Variants in DOCK4 observed in about 807,000 individuals in gnomAD.
DOCK4 encodes dedicator of cytokinesis 4, also known as dedicator of cytokinesis protein 4.
DOCK4 carries 97 observed loss-of-function variants against 268.1 expected under a neutral mutation model. That is an observed-to-expected ratio of 0.36 (90% CI 0.31 to 0.43). The LOEUF (loss-of-function observed/expected upper bound fraction) is 0.43, where lower values mean the gene tolerates loss of function less well. Ranked by LOEUF, DOCK4 falls within the 20% of genes least tolerant of loss-of-function variation. DOCK4 has a pLI of 1.00. For synonymous variants in DOCK4, 954 were observed against 887.2 expected (o/e 1.08, Z -1.34); for missense variants, 2,145 against 2,455.7 (o/e 0.87, Z 2.67).
intron 27 of DOCK4, among the ~76,000 whole-genome samples, chr7:111,817,453 T>G (rs1329922977): frequency 6.6e-6 from 1 of 152,182 alleles, no homozygotes; most frequent in Non-Finnish European, 1.5e-5. Context: ...CCTACCTTTC[T>G]TTGTGTGCAC....
At chr7:111,902,043 T>C (rs1051428638) in intron 13 of DOCK4, among the ~76,000 whole-genome samples, 7 of 152,332 alleles carry the variant, frequency 4.6e-5, no homozygotes, top group African/African-American at 1.7e-4. Context: ...AGGTGAATAC[T>C]GGGACCAAGT....
intron 12 of DOCK4, among the ~76,000 whole-genome samples, chr7:111,918,206 C>T (rs1039314172): frequency 2.6e-5 from 4 of 152,178 alleles, no homozygotes; most frequent in Admixed American, 6.5e-5. Context: ...AGGGACATGA[C>T]GACATGATCG....
chr7:111,803,594 G>A (rs1800455866), intron 30 of DOCK4, among the ~76,000 whole-genome samples: 1 of 152,102 alleles, frequency 6.6e-6, no homozygotes, highest in Admixed American at 6.5e-5. Flanking sequence ...TAGTAAGAAT[G>A]TTAGTTCATC....
At chr7:112,023,793 A>G (rs1286164715) in intron 1 of DOCK4, 1 of 247,100 alleles carries the variant, frequency 4.0e-6, no homozygotes, top group Non-Finnish European at 8.4e-6. Flanking sequence ...TTATCAATTA[A>G]TTGTATGTCT....
chr7:112,096,751 A>G (rs1434146055), intron 1 of DOCK4, among the ~76,000 whole-genome samples: 2 of 152,184 alleles, frequency 1.3e-5, no homozygotes, highest in Non-Finnish European at 2.9e-5. Flanking sequence ...AGACCCAAAG[A>G]CCAAAATGTA....
chr7:112,050,598 C>A (rs896985241), intron 1 of DOCK4, among the ~76,000 whole-genome samples: 1 of 151,946 alleles, frequency 6.6e-6, no homozygotes. Flanking sequence ...CCCAATAATA[C>A]GTTTTTAGAC....
intron 38 of DOCK4, among the ~76,000 whole-genome samples, chr7:111,765,433 A>T (rs1797706653): frequency 6.6e-6 from 1 of 152,230 alleles, no homozygotes; most frequent in Non-Finnish European, 1.5e-5. Context: ...TTTGCAGGCC[A>T]TATCGTCTCT....
intron 1 of DOCK4, among the ~76,000 whole-genome samples, chr7:112,131,515 A>T (rs1813795463): frequency 6.6e-6 from 1 of 152,100 alleles, no homozygotes; most frequent in South Asian, 2.1e-4. Flanking sequence ...TTCTCCTCAT[A>T]TCCCCAGCCC....
At chr7:112,002,332 T>A (rs1279640390) in intron 2 of DOCK4, among the ~76,000 whole-genome samples, 1 of 152,204 alleles carries the variant, frequency 6.6e-6, no homozygotes, top group African/African-American at 2.4e-5. Flanking sequence ...TGCAAAAATG[T>A]CATAGAGAGG....
intron 1 of DOCK4, among the ~76,000 whole-genome samples, chr7:112,112,357 G>C (rs943482150): frequency 6.6e-6 from 1 of 152,120 alleles, no homozygotes; most frequent in South Asian, 2.1e-4. Context: ...GAAGACGCTG[G>C]AGCTGGCTGG....
intron 32 of DOCK4, among the ~76,000 whole-genome samples, chr7:111,787,153 T>C (rs1799229071): frequency 6.6e-6 from 1 of 152,188 alleles, no homozygotes; most frequent in Admixed American, 6.6e-5. Flanking sequence ...TTAAAGTAGA[T>C]AAGAGGCACT....
At chr7:111,814,383 G>A (rs1251147090) in intron 27 of DOCK4, among the ~76,000 whole-genome samples, 2 of 152,076 alleles carry the variant, frequency 1.3e-5, no homozygotes, top group African/African-American at 2.4e-5. Context: ...GGGTCACATC[G>A]CCAGAGACTA....
intron 1 of DOCK4, among the ~76,000 whole-genome samples, chr7:112,129,644 T>C (rs1813612456): frequency 6.6e-6 from 1 of 152,204 alleles, no homozygotes; most frequent in South Asian, 2.1e-4. Flanking sequence ...GAGTGAAGGG[T>C]ACATAAAATT....
chr7:111,952,724 T>C (rs1796148324), intron 8 of DOCK4, among the ~76,000 whole-genome samples: 1 of 152,132 alleles, frequency 6.6e-6, no homozygotes, highest in African/African-American at 2.4e-5. Flanking sequence ...TGTAAAATAA[T>C]TTTCAACAGT....
chr7:111,843,587 G>A (rs1803859656), intron 25 of DOCK4, among the ~76,000 whole-genome samples: 1 of 152,164 alleles, frequency 6.6e-6, no homozygotes, highest in African/African-American at 2.4e-5. Flanking sequence ...GATGATGAGA[G>A]TATTGAGAAA....
chr7:111,827,691 T>C (rs1309712134), intron 26 of DOCK4, among the ~76,000 whole-genome samples: 1 of 152,150 alleles, frequency 6.6e-6, no homozygotes, highest in Non-Finnish European at 1.5e-5. Flanking sequence ...TTAAAAATTA[T>C]ATATTTGGTT....
At chr7:111,773,730 CT>C (rs1798267668) in intron 36 of DOCK4, among the ~76,000 whole-genome samples, 1 of 152,080 alleles carries the variant, frequency 6.6e-6, no homozygotes. Flanking sequence ...AAAAACATCA[CT>C]GTGGGCCAGG....
intron 8 of DOCK4, among the ~76,000 whole-genome samples, chr7:111,965,567 T>A (rs1451954512): frequency 2.1e-5 from 1 of 47,184 alleles, no homozygotes; most frequent in Non-Finnish European, 3.2e-5. Context: ...AAGTCTTCAG[T>A]GACCTACAAA....
At chr7:111,973,676 C>CTT (rs72147258) in intron 8 of DOCK4, among the ~76,000 whole-genome samples, 1 of 145,246 alleles carries the variant, frequency 6.9e-6, no homozygotes. Flanking sequence ...TTTAGAGTTC[C>CTT]TTTTTTTTTT....
Sources: allele counts gnomAD v4.1 joint callset (sites outside exome capture counted in the v4.1 genomes callset), GRCh38; gene constraint gnomAD v4.1.1; transcripts MANE v1.5; gene names NCBI Gene and HGNC (gene_info 2026-07-23, HGNC 2026-07-21).